Variants in ZNF385D observed in about 807,000 individuals in gnomAD.
ZNF385D encodes zinc finger protein 385D.
In ZNF385D, 15 loss-of-function variants were observed where a neutral mutation model predicts 35.8. That is an observed-to-expected ratio of 0.42 (90% CI 0.28 to 0.64). The LOEUF is 0.64. Ranked by LOEUF, ZNF385D falls within the 30% of genes least tolerant of loss-of-function variation. The pLI is 0.23. For synonymous variants in ZNF385D, 212 were observed against 186.8 expected (o/e 1.13, Z -1.10); for missense variants, 474 against 494.6 (o/e 0.96, Z 0.39).
chr3:22,065,229 C>T (rs559233260), intron 3 of ZNF385D, among the ~76,000 whole-genome samples: 1 of 152,130 alleles, frequency 6.6e-6, no homozygotes, highest in African/African-American at 2.4e-5. Context: ...TAGGACTGGG[C>T]AGATTTGCCA....
At chr3:22,154,399 A>G (rs534423555) in intron 3 of ZNF385D, among the ~76,000 whole-genome samples, 159 of 152,322 alleles carry the variant, frequency 1.0e-3, no homozygotes, top group Admixed American at 4.6e-3. Context: ...GATCCAGAGT[A>G]GGACCAACAT....
At chr3:21,770,035 T>C (rs1050117653) in intron 3 of ZNF385D, among the ~76,000 whole-genome samples, 4 of 152,162 alleles carry the variant, frequency 2.6e-5, no homozygotes, top group Admixed American at 2.6e-4. Context: ...GCTTGCCATA[T>C]GGAGAAAGCG....
intron 3 of ZNF385D, among the ~76,000 whole-genome samples, chr3:21,893,169 G>C (rs1466823010): frequency 6.6e-6 from 1 of 152,104 alleles, no homozygotes; most frequent in Non-Finnish European, 1.5e-5. Context: ...AGAATTCCAG[G>C]TATTGTTGAT....
At chr3:22,203,122 A>G (rs796189082) in intron 2 of ZNF385D, among the ~76,000 whole-genome samples, 6 of 152,152 alleles carry the variant, frequency 3.9e-5, no homozygotes, top group African/African-American at 1.4e-4. Context: ...CACAGCTCCA[A>G]AAGATAACGT....
chr3:21,568,295 C>G (rs541795399), intron 2 of ZNF385D, among the ~76,000 whole-genome samples: 1 of 152,096 alleles, frequency 6.6e-6, no homozygotes, highest in Non-Finnish European at 1.5e-5. Flanking sequence ...TTAAATGATA[C>G]CACATGCCGT....
chr3:22,187,122 A>G (rs1181303276), intron 2 of ZNF385D, among the ~76,000 whole-genome samples: 1 of 152,180 alleles, frequency 6.6e-6, no homozygotes, highest in African/African-American at 2.4e-5. Flanking sequence ...CCCACATATA[A>G]AAAGACATGA....
chr3:22,335,982 A>G lies in ZNF385D; in HGVS notation c.106+36468T>C, dbSNP rs148365998. On this transcript the variant is annotated intron_variant, in intron 2 of 5. Coordinates refer to the ZNF385D transcript ENST00000494108. ...GTTGTCTGAATTTTCAAAAATGTACATGTACTCAGTATTCAGAGTCCACTA... is the reference window on the plus strand; with the variant it reads ...GTTGTCTGAATTTTCAAAAATGTACGTGTACTCAGTATTCAGAGTCCACTA... Among the ~76,000 whole-genome samples, 579 of 152,186 alleles carry G rather than the reference A, an allele frequency of 3.8e-3. 3 individuals carry two copies. The highest frequency in any genetic ancestry group is 0.013 in the African/African-American group (536 of 41,556).
intron 3 of ZNF385D, among the ~76,000 whole-genome samples, chr3:22,126,482 T>C (rs963530408): frequency 1.3e-5 from 2 of 152,082 alleles, no homozygotes; most frequent in African/African-American, 4.8e-5. Flanking sequence ...TTTCCATGTG[T>C]ACACTTTTCA....
At chr3:22,108,065 C>G (rs779175) in intron 3 of ZNF385D, among the ~76,000 whole-genome samples, 118,670 of 151,292 alleles carry the variant, frequency 0.78, 47,395 homozygotes, top group Non-Finnish European at 0.84. Flanking sequence ...ATTGATCTTA[C>G]ACCCCCAAAC....
chr3:22,168,654 A>T (rs541833095), intron 3 of ZNF385D: 113 of 301,890 alleles, frequency 3.7e-4, no homozygotes, highest in South Asian at 2.4e-3. Flanking sequence ...CTTCACTCTC[A>T]AAGAGAAATG....
chr3:21,717,047 C>T (rs1161963744), intron 1 of ZNF385D, among the ~76,000 whole-genome samples: 4 of 152,102 alleles, frequency 2.6e-5, no homozygotes, highest in South Asian at 4.1e-4. Context: ...GCAGGAGAAT[C>T]GCTTGAACCT....
At position 22,127,161 on chromosome 3, in the gene ZNF385D, T is replaced by C. The variant is rs78337471; in HGVS notation, c.325+41656A>G. On this transcript the variant is annotated intron_variant, in intron 3 of 5. Transcript: ENST00000494108. ...GTTTTTGATCAAAGAGTTTAGGACATTGACATTCAATGTTATTATTGATAA... is the reference window on the plus strand; with the variant it reads ...GTTTTTGATCAAAGAGTTTAGGACACTGACATTCAATGTTATTATTGATAA... 8.3e-3 allele frequency among the ~76,000 whole-genome samples: 1,263 copies of C among 152,114 alleles called. 35 individuals are homozygous for C. The East Asian group carries it at 0.095, about 11-fold the overall frequency.
chr3:21,723,324 C>T (rs995752612), intron 1 of ZNF385D, among the ~76,000 whole-genome samples: 14 of 152,130 alleles, frequency 9.2e-5, no homozygotes, highest in African/African-American at 3.4e-4. Flanking sequence ...CCGAAGTATG[C>T]TTCAGAAGGT....
chr3:21,619,189 TC>T (rs1309030692), intron 2 of ZNF385D, among the ~76,000 whole-genome samples: 2 of 152,156 alleles, frequency 1.3e-5, no homozygotes, highest in Non-Finnish European at 2.9e-5. Flanking sequence ...CTGTTTCTTA[TC>T]CCATAAGTAT....
chr3:21,887,774 A>G (rs1354780550), intron 3 of ZNF385D, among the ~76,000 whole-genome samples: 1 of 152,138 alleles, frequency 6.6e-6, no homozygotes, highest in African/African-American at 2.4e-5. Context: ...AATACACAGA[A>G]AAAATACTCT....
chr3:21,753,393 T>C (rs2070190762), upstream of ZNF385D, among the ~76,000 whole-genome samples: 1 of 152,168 alleles, frequency 6.6e-6, no homozygotes, highest in African/African-American at 2.4e-5. Context: ...TAGAAACAAA[T>C]ATATCTATAT....
chr3:21,666,974 G>A (rs1403390080), intron 1 of ZNF385D, among the ~76,000 whole-genome samples: 1 of 152,038 alleles, frequency 6.6e-6, no homozygotes, highest in African/African-American at 2.4e-5. Context: ...CTACTTGGGA[G>A]GCTGAGGCAG....
At chr3:22,156,132 A>G (rs1705564661) in intron 3 of ZNF385D, among the ~76,000 whole-genome samples, 1 of 152,092 alleles carries the variant, frequency 6.6e-6, no homozygotes, top group Admixed American at 6.6e-5. Flanking sequence ...TTCCTTAATA[A>G]TTGTGCAATG....
At chr3:21,811,128 CAAATCTT>C (rs1206810937) in intron 3 of ZNF385D, among the ~76,000 whole-genome samples, 4 of 151,898 alleles carry the variant, frequency 2.6e-5, no homozygotes, top group Admixed American at 6.6e-5. Flanking sequence ...AAAATAATCT[CAAATCTT>C]AAATCAGAAT....
Sources: gnomAD v4.1 joint callset for allele counts (sites outside exome capture counted in the v4.1 genomes callset) on GRCh38, gnomAD v4.1.1 for gene constraint, MANE v1.5 for transcripts, NCBI Gene and HGNC (gene_info 2026-07-23, HGNC 2026-07-21) for gene names.